The following LIMS1 variants were observed in gnomAD, a reference collection of about 807,000 sequenced individuals.
LIMS1 encodes the protein LIM and senescent cell antigen-like-containing domain protein 1.
LIMS1 carries 18 observed loss-of-function variants against 44.1 expected under a neutral mutation model. The observed-to-expected ratio is 0.41, with a 90% CI of 0.28 to 0.61. The LOEUF (loss-of-function observed/expected upper bound fraction) is 0.61. Among genes scored for constraint, LIMS1 ranks in the 20% least tolerant of loss-of-function variants. LIMS1 has a pLI of 0.32. For missense variants in LIMS1, 201 were observed against 422.0 expected, an observed-to-expected ratio of 0.48 and a Z score of 4.59; for synonymous variants, 93 against 149.1, an observed-to-expected ratio of 0.62 and a Z score of 2.74.
chr2:108,569,496 G>T (rs1320809305), intron 1 of LIMS1, among the ~76,000 whole-genome samples: 2 of 152,044 alleles, frequency 1.3e-5, no homozygotes, highest in Non-Finnish European at 2.9e-5. Context: ...AGTCCATTTT[G>T]AGTTAATTTT....
intron 1 of LIMS1, among the ~76,000 whole-genome samples, chr2:108,554,743 GCTCTCAGGA>G (rs1181835112): frequency 6.6e-6 from 1 of 152,110 alleles, no homozygotes; most frequent in Non-Finnish European, 1.5e-5. Context: ...ATGACATGAC[GCTCTCAGGA>G]GGCGGCCAGA....
intron 1 of LIMS1, among the ~76,000 whole-genome samples, chr2:108,586,172 A>G (rs1686093042): frequency 3.3e-5 from 5 of 152,208 alleles, no homozygotes; most frequent in Admixed American, 3.3e-4. Context: ...AGCCTGGACG[A>G]CAGAGCGAGA....
intron 1 of LIMS1, among the ~76,000 whole-genome samples, chr2:108,569,176 CCA>C (rs1170905265): frequency 6.6e-6 from 1 of 152,196 alleles, no homozygotes; most frequent in Admixed American, 6.5e-5. Context: ...CAGGCGTGAG[CCA>C]CCGCACCTGG....
At chr2:108,607,562 T>C (rs893566448) in intron 1 of LIMS1, among the ~76,000 whole-genome samples, 23 of 152,198 alleles carry the variant, frequency 1.5e-4, no homozygotes, top group African/African-American at 4.3e-4. Context: ...CGGAGTTCCA[T>C]TTTACTGTAT....
chr2:108,593,866 GTT>G (rs1686531726), intron 1 of LIMS1, among the ~76,000 whole-genome samples: 1 of 152,178 alleles, frequency 6.6e-6, no homozygotes, highest in Non-Finnish European at 1.5e-5. Flanking sequence ...TCAACATTCA[GTT>G]TTATTTTACT....
At chr2:108,666,848 C>G (rs1691794571) in intron 2 of LIMS1, among the ~76,000 whole-genome samples, 1 of 152,004 alleles carries the variant, frequency 6.6e-6, no homozygotes, top group South Asian at 2.1e-4. Flanking sequence ...AAGGATACAG[C>G]TGAAGAGATA....
chr2:108,551,249 T>C (rs1684680196), intron 1 of LIMS1, among the ~76,000 whole-genome samples: 1 of 150,206 alleles, frequency 6.7e-6, no homozygotes, highest in Non-Finnish European at 1.5e-5. Flanking sequence ...ATTACAACAA[T>C]GCTGTTTGAG....
chr2:108,549,589 A>G (rs1486082651), intron 1 of LIMS1, among the ~76,000 whole-genome samples: 1 of 152,084 alleles, frequency 6.6e-6, no homozygotes, highest in Admixed American at 6.5e-5. Flanking sequence ...TATATTTTAG[A>G]TAAATGAAGC....
intron 1 of LIMS1, among the ~76,000 whole-genome samples, chr2:108,599,405 T>A (rs1205275230): frequency 6.6e-6 from 1 of 152,186 alleles, no homozygotes; most frequent in Non-Finnish European, 1.5e-5. Flanking sequence ...TACTCCATTG[T>A]ATATAAGTAC....
intron 1 of LIMS1, among the ~76,000 whole-genome samples, chr2:108,544,191 C>T (rs920301566): frequency 3.9e-5 from 6 of 152,172 alleles, no homozygotes; most frequent in Non-Finnish European, 5.9e-5. Context: ...TTATTGGATT[C>T]TTAGCAGGTA....
chr2:108,662,146 C>T, intron 2 of LIMS1: 1 of 1,611,432 alleles, frequency 6.2e-7, no homozygotes, highest in Non-Finnish European at 8.5e-7. Flanking sequence ...TTCCTTATAT[C>T]CCTGGCTTGC....
chr2:108,681,602 C>G, intron 9 of LIMS1: 2 of 964,414 alleles, frequency 2.1e-6, no homozygotes, highest in Non-Finnish European at 2.5e-6. Context: ...TTTAAAAATG[C>G]ATATATTCTA....
chr2:108,683,539 CAAAAAAAAAAA>C (rs35864001), intron 9 of LIMS1, among the ~76,000 whole-genome samples: 115 of 105,944 alleles, frequency 1.1e-3, no homozygotes, highest in Admixed American at 3.5e-3. Flanking sequence ...GCTCTGTTTC[CAAAAAAAAAAA>C]AAAAAAAAAG....
intron 1 of LIMS1, among the ~76,000 whole-genome samples, chr2:108,561,922 G>A (rs1558788310): frequency 6.6e-6 from 1 of 151,472 alleles, no homozygotes; most frequent in African/African-American, 2.4e-5. Context: ...TTTGTACTTT[G>A]TAGTAGAGAC....
At chr2:108,564,778 G>A (rs544193278) in intron 1 of LIMS1, among the ~76,000 whole-genome samples, 87 of 152,134 alleles carry the variant, frequency 5.7e-4, no homozygotes, top group Non-Finnish European at 1.0e-3. Context: ...TGTCATGTTA[G>A]GGCTGAAGCT....
At chr2:108,637,904 C>T (rs1469600219) in intron 1 of LIMS1, among the ~76,000 whole-genome samples, 1 of 150,738 alleles carries the variant, frequency 6.6e-6, no homozygotes, top group Non-Finnish European at 1.5e-5. Context: ...CTGTGTCTCC[C>T]AGGCCGGAAT....
intron 1 of LIMS1, among the ~76,000 whole-genome samples, chr2:108,634,032 A>T (rs933406165): frequency 6.6e-6 from 1 of 152,170 alleles, no homozygotes; most frequent in African/African-American, 2.4e-5. Flanking sequence ...TGGGGACTGG[A>T]TGCTGGCTGT....
intron 1 of LIMS1, among the ~76,000 whole-genome samples, chr2:108,606,348 TA>T (rs1040269022): frequency 6.6e-6 from 1 of 152,224 alleles, no homozygotes; most frequent in African/African-American, 2.4e-5. Flanking sequence ...TTTACATTTT[TA>T]AAAATTCACC....
intron 1 of LIMS1, among the ~76,000 whole-genome samples, chr2:108,636,089 A>G (rs1457174544): frequency 6.6e-6 from 1 of 152,230 alleles, no homozygotes; most frequent in African/African-American, 2.4e-5. Flanking sequence ...AGAAAGCAAA[A>G]GAGTATAGGA....
Sources: allele counts gnomAD v4.1 joint callset (sites outside exome capture counted in the v4.1 genomes callset), GRCh38; gene constraint gnomAD v4.1.1; transcripts MANE v1.5; gene names NCBI Gene and HGNC (gene_info 2026-07-23, HGNC 2026-07-21).